The following CNTN5 variants were observed in gnomAD, a reference collection of about 807,000 sequenced individuals.
The protein encoded by CNTN5 is contactin 5, also known as contactin-5.
Under a neutral mutation model 129.1 loss-of-function variants are expected in CNTN5, and 77 were observed. The observed-to-expected ratio is 0.60, with a 90% CI of 0.50 to 0.72. The LOEUF (loss-of-function observed/expected upper bound fraction) is 0.72. CNTN5 is among the 30% of genes least tolerant of loss of function. The pLI, the probability that CNTN5 is intolerant of heterozygous loss-of-function variation, is 0.00. For synonymous variants in CNTN5, 509 were observed against 465.6 expected, an observed-to-expected ratio of 1.09 and a Z score of -1.20; for missense variants, 1,478 against 1,328.8, an observed-to-expected ratio of 1.11 and a Z score of -1.75.
chr11:99,300,767 G>A (rs949167266), intron 1 of CNTN5, among the ~76,000 whole-genome samples: 4 of 151,738 alleles, frequency 2.6e-5, no homozygotes, highest in Non-Finnish European at 4.4e-5. Flanking sequence ...AGCAGTAGAT[G>A]GTAACAGAAG....
chr11:99,928,444 A>G (rs1412599437), intron 7 of CNTN5, among the ~76,000 whole-genome samples: 1 of 152,188 alleles, frequency 6.6e-6, no homozygotes, highest in Admixed American at 6.5e-5. Context: ...TTCTGCCTGG[A>G]CATTCAGGCA....
chr11:99,344,125 T>C (rs1866645056), intron 2 of CNTN5, among the ~76,000 whole-genome samples: 1 of 152,184 alleles, frequency 6.6e-6, no homozygotes, highest in Non-Finnish European at 1.5e-5. Context: ...GTGCGTAAGT[T>C]TTCGGTAGAA....
intron 3 of CNTN5, among the ~76,000 whole-genome samples, chr11:99,711,724 A>C (rs1954997469): frequency 6.6e-6 from 1 of 151,968 alleles, no homozygotes; most frequent in Non-Finnish European, 1.5e-5. Context: ...GAGTGAGACC[A>C]TGCGGTGTTT....
At chr11:99,062,895 C>T (rs1159987608) in intron 1 of CNTN5, among the ~76,000 whole-genome samples, 2 of 151,912 alleles carry the variant, frequency 1.3e-5, no homozygotes, top group Non-Finnish European at 1.5e-5. Flanking sequence ...AATCACTTGG[C>T]AAGGAAGTTG....
intron 2 of CNTN5, among the ~76,000 whole-genome samples, chr11:99,348,551 C>T (rs1185506882): frequency 1.3e-5 from 2 of 152,184 alleles, no homozygotes; most frequent in Non-Finnish European, 2.9e-5. Flanking sequence ...GGAGAAACTC[C>T]AACCTACAGA....
intron 8 of CNTN5, among the ~76,000 whole-genome samples, chr11:99,963,084 A>T (rs1315992823): frequency 1.3e-5 from 2 of 152,164 alleles, no homozygotes; most frequent in Non-Finnish European, 2.9e-5. Flanking sequence ...GTAGATTGCA[A>T]AAATTTTCTC....
At chr11:99,955,506 T>G (rs953572954) in intron 7 of CNTN5, among the ~76,000 whole-genome samples, 5 of 152,190 alleles carry the variant, frequency 3.3e-5, no homozygotes, top group Admixed American at 2.0e-4. Flanking sequence ...ATATTGTAAT[T>G]ATGCATTAAT....
At chr11:100,028,821 C>T (rs958069433) in intron 9 of CNTN5, among the ~76,000 whole-genome samples, 1 of 152,176 alleles carries the variant, frequency 6.6e-6, no homozygotes, top group Non-Finnish European at 1.5e-5. Context: ...TTTGTTAGTT[C>T]TATCTTTCCC....
Position 100,341,225 on chromosome 11 carries a change from T to G in CNTN5, c.3030+20T>G. The G allele has an allele frequency of 6.6e-7, 1 of 1,514,832 alleles. No homozygotes were observed. Among genetic ancestry groups the G allele is most frequent in the South Asian group, 1.1e-5 (1 of 89,070 alleles). The allele number at this position is 1,514,832 out of a possible 1,614,324, so 93.8% of individuals were successfully genotyped here. ...TACAAGGTCAGTATTTCTTCACTCT[T>G]TTGCATAGATACTCATCTCCGAAAT... On this transcript the variant is annotated intron_variant, in intron 23 of 24. Transcript: ENST00000524871.
chr11:99,042,539 C>A (rs12223820), intron 1 of CNTN5, among the ~76,000 whole-genome samples: 1 of 151,782 alleles, frequency 6.6e-6, no homozygotes, highest in Admixed American at 6.6e-5. Context: ...CCACACCCGG[C>A]TAATTTTTTG....
chr11:100,296,396 T>C (rs760935758), intron 18 of CNTN5, among the ~76,000 whole-genome samples: 1 of 151,572 alleles, frequency 6.6e-6, no homozygotes, highest in Non-Finnish European at 1.5e-5. Flanking sequence ...AAAAAAAGGG[T>C]ATCCAATTCC....
intron 8 of CNTN5, among the ~76,000 whole-genome samples, chr11:99,968,104 C>G (rs543886592): frequency 6.6e-5 from 10 of 152,278 alleles, no homozygotes; most frequent in African/African-American, 2.2e-4. Flanking sequence ...TCTCACCTTT[C>G]TTTCAGTCCA....
chr11:99,908,942 GC>G (rs1359655379), intron 6 of CNTN5, among the ~76,000 whole-genome samples: 1 of 152,084 alleles, frequency 6.6e-6, no homozygotes, highest in Admixed American at 6.6e-5. Flanking sequence ...GCAAGCCATA[GC>G]AAGAGATTAC....
intron 2 of CNTN5, among the ~76,000 whole-genome samples, chr11:99,518,765 A>G (rs998137805): frequency 1.3e-5 from 2 of 151,970 alleles, no homozygotes; most frequent in African/African-American, 2.4e-5. Flanking sequence ...TTCATATTTA[A>G]TTTCCCAAGT....
intron 3 of CNTN5, among the ~76,000 whole-genome samples, chr11:99,724,157 T>G (rs148769081): frequency 2.6e-5 from 4 of 152,136 alleles, no homozygotes; most frequent in African/African-American, 9.7e-5. Context: ...TCCTCTTCAG[T>G]GCCTGGAGCA....
intron 6 of CNTN5, among the ~76,000 whole-genome samples, chr11:99,855,763 AT>A (rs922161379): frequency 3.3e-5 from 5 of 152,208 alleles, no homozygotes; most frequent in Admixed American, 2.6e-4. Context: ...AACTAGAAAA[AT>A]TTAGAGTCTG....
chr11:99,283,515 G>T (rs1863794674), intron 1 of CNTN5, among the ~76,000 whole-genome samples: 1 of 152,012 alleles, frequency 6.6e-6, no homozygotes, highest in Non-Finnish European at 1.5e-5. Flanking sequence ...GAAAAAAAGA[G>T]AATCATTCAG....
chr11:99,228,016 A>G (rs1343697555), intron 1 of CNTN5, among the ~76,000 whole-genome samples: 2 of 152,092 alleles, frequency 1.3e-5, no homozygotes, highest in Non-Finnish European at 1.5e-5. Flanking sequence ...ACATTTTACT[A>G]TGTATTGTAC....
At chr11:100,084,604 T>C (rs1944478420) in intron 13 of CNTN5, among the ~76,000 whole-genome samples, 1 of 152,058 alleles carries the variant, frequency 6.6e-6, no homozygotes, top group South Asian at 2.1e-4. Context: ...CCATGAAATA[T>C]AACATATACA....
Sources: allele counts gnomAD v4.1 joint callset (sites outside exome capture counted in the v4.1 genomes callset), GRCh38; gene constraint gnomAD v4.1.1; transcripts MANE v1.5; gene names NCBI Gene and HGNC (gene_info 2026-07-23, HGNC 2026-07-21).